The following CSPP1 variants were observed in gnomAD, a reference collection of about 807,000 sequenced individuals.
The protein encoded by CSPP1 is centrosome and spindle pole-associated protein 1.
Under a neutral mutation model 164.4 loss-of-function variants are expected in CSPP1, and 126 were observed. That is an observed-to-expected ratio of 0.77 (90% confidence interval 0.66 to 0.89). CSPP1 has a LOEUF of 0.89. Ranked by LOEUF, CSPP1 falls within the 40% of genes least tolerant of loss-of-function variation. CSPP1 has a pLI of 0.00. For synonymous variants in CSPP1, 472 were observed against 476.7 expected (o/e 0.99, Z 0.13); for missense variants, 1,395 against 1,449.8 (o/e 0.96, Z 0.61).
In CSPP1 at chr8:67,156,112, C is replaced by CA. The variant is rs770956176; in HGVS notation, c.2241+1982dup. Reference sequence around the variant, plus strand: ...ATCATGGTCTAAGGTAGAATTCAGCCAAAAAACAATCTTACAATTGTATAG... The same window carrying CA: ...ATCATGGTCTAAGGTAGAATTCAGCCAAAAAAACAATCTTACAATTGTATAG... On this transcript the variant is annotated intron_variant, in intron 19 of 30. Coordinates refer to ENST00000678616, the MANE Select transcript of CSPP1 (RefSeq NM_001382391.1). Among the ~76,000 whole-genome samples the CA allele has an allele frequency of 5.3e-4, 80 of 152,100 alleles. 1 individual carries two copies. The highest frequency in any genetic ancestry group is 2.9e-3 in the South Asian group (14 of 4,812).
Position 67,177,647 on chromosome 8 carries a change from T to C in CSPP1, c.3110-33T>C, listed in dbSNP as rs560210615. 3.9e-6 allele frequency: 6 copies of C among 1,525,346 alleles called. No individual in the cohort carries two copies. In the South Asian group the frequency reaches 7.0e-5, roughly 18 times the overall value. The allele number at this position is 1,525,346 out of a possible 1,614,324, so 94.5% of individuals were successfully genotyped here. A position where few individuals can be genotyped will look rare whatever the true frequency, so the allele number is the denominator to read the frequency against. ...TTTATATAGTAAGCATTTTCTGACC[T>C]TTTAATTTGCTTTTGTTCTCCATTG... On this transcript the variant is annotated intron_variant, in intron 26 of 30. Transcript: ENST00000678616.
chr8:67,150,894 T>A (rs1825580918), intron 18 of CSPP1, among the ~76,000 whole-genome samples: 1 of 152,226 alleles, frequency 6.6e-6, no homozygotes, highest in Non-Finnish European at 1.5e-5. Flanking sequence ...AACTGGCCAT[T>A]TATTCATTAC....
At chr8:67,116,870 CAGTAGAAG>C (rs1216804935) in intron 13 of CSPP1, among the ~76,000 whole-genome samples, 1 of 151,912 alleles carries the variant, frequency 6.6e-6, no homozygotes, top group Non-Finnish European at 1.5e-5. Context: ...TGTATTATTT[CAGTAGAAG>C]TTGGTCTTTT....
chr8:67,103,175 A>C, intron 8 of CSPP1, 40 bp downstream of exon 8: 3 of 1,228,344 alleles, frequency 2.4e-6, no homozygotes, highest in Non-Finnish European at 3.6e-6. Flanking sequence ...TAGTCATTAC[A>C]TTGTGAAACA....
In CSPP1 at chr8:67,151,852, G is replaced by A. The variant is rs539393937; in HGVS notation, c.2128+1917G>A. On this transcript the variant is annotated intron_variant, in intron 18 of 30. Coordinates refer to ENST00000678616, the MANE Select transcript of CSPP1 (RefSeq NM_001382391.1). ...CGCCTGTAATCCCAGCACTTTGGGAGGCTGAGGCAGGCGGATCATGAGGCC... is the reference window on the plus strand; with the variant it reads ...CGCCTGTAATCCCAGCACTTTGGGAAGCTGAGGCAGGCGGATCATGAGGCC... Among the ~76,000 whole-genome samples, 4 of 152,146 alleles carry A rather than the reference G, an allele frequency of 2.6e-5. No homozygotes were observed. The South Asian group carries it at 6.2e-4, about 24-fold the overall frequency.
intron 22 of CSPP1, among the ~76,000 whole-genome samples, chr8:67,163,132 G>A (rs543049701): frequency 2.0e-5 from 3 of 152,306 alleles, no homozygotes; most frequent in African/African-American, 7.2e-5. Flanking sequence ...CCCACTGAAT[G>A]TGTCACTTGG....
intron 3 of CSPP1, among the ~76,000 whole-genome samples, chr8:67,080,021 A>G (rs953986545): frequency 1.3e-5 from 2 of 152,244 alleles, no homozygotes; most frequent in African/African-American, 2.4e-5. Context: ...TTAAAGAACA[A>G]TATATAATTG....
chr8:67,192,641 A>G (rs928596536), intron 29 of CSPP1, among the ~76,000 whole-genome samples: 2 of 152,070 alleles, frequency 1.3e-5, no homozygotes, highest in Non-Finnish European at 2.9e-5. Flanking sequence ...GTTTTCTTTC[A>G]GTTTGTTCTT....
At position 67,118,812 on chromosome 8, in the gene CSPP1, A is replaced by C. The variant is rs1818432626; in HGVS notation, c.1688A>C (p.Gln563Pro). ...VSAPVTHQLA[Q>P]PVVNTVGQNE... ...GCTCCTGTCACCCACCAACTAGCAC[A>C]ACCTGTTGTGTAAGTTATTAGTTAA... Residue 563 changes from glutamine (Q) to proline (P), a missense_variant, in exon 15 of 31, where the codon CAA (glutamine) becomes CCA (proline). Gln to Pro is a moderately conservative substitution (Grantham distance 76). Transcript: ENST00000678616. 6.2e-7 allele frequency: 1 copy of C among 1,606,730 alleles called. No homozygotes were observed. The highest frequency in any genetic ancestry group is 8.5e-7 in the Non-Finnish European group (1 of 1,173,586).
chr8:67,181,111 C>T (rs116693105), intron 28 of CSPP1, among the ~76,000 whole-genome samples: 2,291 of 152,014 alleles, frequency 0.015, 60 homozygotes, highest in African/African-American at 0.053. Context: ...AATCATTGCT[C>T]ACTACAGCCT....
chr8:67,193,243 C>T (rs1238213940), intron 29 of CSPP1, among the ~76,000 whole-genome samples: 6 of 152,144 alleles, frequency 3.9e-5, no homozygotes, highest in South Asian at 2.1e-4. Context: ...GGACTACAGG[C>T]GCCTGCCACC....
chr8:67,149,644 G>T, intron 17 of CSPP1, 139 bp from the exon 18 acceptor site: 1 of 521,534 alleles, frequency 1.9e-6, no homozygotes, highest in Non-Finnish European at 3.3e-6. Context: ...CTCTTTTCAG[G>T]GCACCAACAT....
At chr8:67,158,378 GA>G in intron 19 of CSPP1, 68 bp from the exon 20 acceptor site, 14 of 1,432,048 alleles carry the variant, frequency 9.8e-6, no homozygotes, top group South Asian at 1.4e-5. Context: ...ATACTATCAG[GA>G]AAAAAATAAG....
chr8:67,089,989 T>C (rs1237412481), intron 4 of CSPP1, among the ~76,000 whole-genome samples: 1 of 152,120 alleles, frequency 6.6e-6, no homozygotes, highest in African/African-American at 2.4e-5. Flanking sequence ...TTCATTTTAT[T>C]GAAAATTTCA....
At chr8:67,108,010 GGC>G (rs1382185672) in intron 9 of CSPP1, among the ~76,000 whole-genome samples, 3 of 129,830 alleles carry the variant, frequency 2.3e-5, no homozygotes, top group African/African-American at 8.7e-5. Context: ...TTGTTTGGGT[GGC>G]TCAGAATATA....
intron 24 of CSPP1, among the ~76,000 whole-genome samples, chr8:67,165,898 G>C (rs1829220894): frequency 6.6e-6 from 1 of 152,094 alleles, no homozygotes; most frequent in South Asian, 2.1e-4. Flanking sequence ...CTTGGAGCAG[G>C]GGTTACCTAT....
At chr8:67,107,787 G>T (rs890584391) in intron 9 of CSPP1, among the ~76,000 whole-genome samples, 1 of 152,060 alleles carries the variant, frequency 6.6e-6, no homozygotes, top group Non-Finnish European at 1.5e-5. Context: ...ATTTAGTTTA[G>T]AGCTAAATAG....
chr8:67,118,158 A>G (rs1818290032), intron 13 of CSPP1, 90 bp from the exon 14 acceptor site: 1 of 1,324,842 alleles, frequency 7.5e-7, no homozygotes, highest in Non-Finnish European at 1.1e-6. Flanking sequence ...TAGGATTTTC[A>G]GTACTGTTTT....
At chr8:67,112,280 A>G (rs1230391328) in intron 10 of CSPP1, among the ~76,000 whole-genome samples, 1 of 139,144 alleles carries the variant, frequency 7.2e-6, no homozygotes, top group Non-Finnish European at 1.5e-5. Context: ...GAGAGTATTT[A>G]TATATTCTGT....
Sources: gnomAD v4.1 joint callset for allele counts (sites outside exome capture counted in the v4.1 genomes callset) on GRCh38, gnomAD v4.1.1 for gene constraint, MANE v1.5 for transcripts, NCBI Gene and HGNC (gene_info 2026-07-23, HGNC 2026-07-21) for gene names.